The following SEH1L variants were observed in gnomAD, a reference collection of about 807,000 sequenced individuals.
The protein encoded by SEH1L is nucleoporin SEH1.
In SEH1L, 18 loss-of-function variants were observed where a neutral mutation model predicts 49.5. The observed-to-expected ratio is 0.36, with a 90% CI of 0.25 to 0.54. The LOEUF is 0.54. Among genes scored for constraint, SEH1L ranks in the 20% least tolerant of loss-of-function variants. The pLI, the probability that SEH1L is intolerant of heterozygous loss-of-function variation, is 0.87. For missense variants in SEH1L, 404 were observed against 528.8 expected (o/e 0.76, Z 2.31); for synonymous variants, 169 against 178.1 (o/e 0.95, Z 0.41).
At chr18:12,985,395 T>C (rs1598986205) in intron 8 of SEH1L, 1 of 1,385,140 alleles carries the variant, frequency 7.2e-7, no homozygotes, top group Non-Finnish European at 9.4e-7. Flanking sequence ...CTAAACGCAA[T>C]CCAAAAGGCC....
intron 6 of SEH1L, among the ~76,000 whole-genome samples, chr18:12,981,618 CAA>C (rs1286123385): frequency 6.6e-6 from 1 of 152,154 alleles, no homozygotes; most frequent in African/African-American, 2.4e-5. Flanking sequence ...GGAATTGAGT[CAA>C]GAGCAGATTT....
chr18:12,977,694 A>G (rs1354945656), intron 5 of SEH1L: 1 of 152,130 alleles, frequency 6.6e-6, no homozygotes, highest in Non-Finnish European at 1.5e-5. Flanking sequence ...ATTGCACTCC[A>G]GCACAAGAGT....
intron 3 of SEH1L, among the ~76,000 whole-genome samples, chr18:12,961,101 C>T (rs1237965825): frequency 4.6e-5 from 7 of 152,142 alleles, no homozygotes; most frequent in East Asian, 1.9e-4. Flanking sequence ...GTGGGCAGTC[C>T]GCATGTGCAG....
intron 4 of SEH1L, among the ~76,000 whole-genome samples, chr18:12,969,252 C>G (rs1207579268): frequency 1.6e-5 from 2 of 126,508 alleles, no homozygotes; most frequent in South Asian, 5.2e-4. Flanking sequence ...GAAAAAACAA[C>G]AAAGAATTTT....
At position 12,980,179 on chromosome 18, in the gene SEH1L, C is replaced by G. The variant is rs1237711865; in HGVS notation, c.761+1287C>G. On this transcript the variant is annotated intron_variant, in intron 6 of 8. Coordinates refer to ENST00000399892, the MANE Select transcript of SEH1L (RefSeq NM_001013437.2). Reference sequence around the variant, plus strand: ...GCGGCCGGGCAGAGGCACCCCTCACCTCCCGGATGGGGCGGCTGGCCGGGC... The same window carrying G: ...GCGGCCGGGCAGAGGCACCCCTCACGTCCCGGATGGGGCGGCTGGCCGGGC... 2.2e-5 allele frequency among the ~76,000 whole-genome samples: 3 copies of G among 135,942 alleles called. 1 individual carries two copies. Among genetic ancestry groups the G allele is most frequent in the Non-Finnish European group, 4.8e-5 (3 of 62,302 alleles). The allele number at this position is 135,942 out of a possible 152,430, so 89.2% of individuals were successfully genotyped here. A position where few individuals can be genotyped will look rare whatever the true frequency, so the allele number is the denominator to read the frequency against.
intron 6 of SEH1L, among the ~76,000 whole-genome samples, chr18:12,979,760 C>T: frequency 7.0e-6 from 1 of 142,406 alleles, no homozygotes; most frequent in South Asian, 2.3e-4. Context: ...ACCCCCCCAC[C>T]TCCCTCCCGG....
chr18:12,978,568 G>T (rs1302512765), intron 5 of SEH1L, 184 bp from the exon 6 acceptor site: 5 of 477,712 alleles, frequency 1.0e-5, no homozygotes, highest in Non-Finnish European at 1.8e-5. Context: ...TTTGAATAAG[G>T]TCACATTCAC....
At chr18:12,968,029 A>G (rs988838499) in intron 4 of SEH1L, among the ~76,000 whole-genome samples, 19 of 152,232 alleles carry the variant, frequency 1.2e-4, no homozygotes, top group African/African-American at 3.6e-4. Flanking sequence ...AGGATTGGCT[A>G]TATGTGTTTT....
chr18:12,956,470 AAAG>A (rs2030870438), intron 3 of SEH1L, among the ~76,000 whole-genome samples: 1 of 150,224 alleles, frequency 6.7e-6, no homozygotes, highest in Non-Finnish European at 1.5e-5. Context: ...AAAAAAAAGA[AAAG>A]AACAGATACT....
chr18:12,950,979 G>A (rs571751644), intron 1 of SEH1L, among the ~76,000 whole-genome samples: 3 of 152,232 alleles, frequency 2.0e-5, no homozygotes, highest in East Asian at 3.9e-4. Context: ...GCACCACCAT[G>A]CCTGGTTTCA....
intron 6 of SEH1L, among the ~76,000 whole-genome samples, chr18:12,980,827 C>T (rs1238851597): frequency 9.3e-6 from 1 of 107,014 alleles, no homozygotes; most frequent in Admixed American, 8.4e-5. Flanking sequence ...GGGGGCTGAC[C>T]CCCCCACTTC....
rs776379920 is a variant in SEH1L at position 12,978,878 on chromosome 18, A to C, written c.747A>C (p.Thr249=). The C allele has an allele frequency of 8.7e-6, 14 of 1,613,992 alleles. No homozygotes were observed. The Middle Eastern group carries it at 8.2e-4, about 95-fold the overall frequency. ...AIATKDVRIF[T]LKPVRKELTS... The stretch of plus-strand genomic sequence containing the variant: ...CGACCAAAGATGTGAGAATTTTTAC[A>C]TTAAAGCCTGTGAGGTGAGTTTTAG... The change falls in exon 6 of 9, where the codon ACA becomes ACC. Residue 249 remains threonine, a synonymous_variant. Coordinates refer to ENST00000399892, the MANE Select transcript of SEH1L (RefSeq NM_001013437.2).
At chr18:12,968,615 C>T (rs1388746076) in intron 4 of SEH1L, among the ~76,000 whole-genome samples, 2 of 152,100 alleles carry the variant, frequency 1.3e-5, no homozygotes, top group African/African-American at 4.8e-5. Flanking sequence ...TTTTCTTTCT[C>T]AGTCTGATCT....
At chr18:12,977,762 TCAAATACTTAGG>T (rs1346888427) in intron 5 of SEH1L, 1 of 152,238 alleles carries the variant, frequency 6.6e-6, no homozygotes, top group African/African-American at 2.4e-5. Context: ...TTATTTACAT[TCAAATACTTAGG>T]CAATGTGTTA....
At chr18:12,980,747 C>T (rs1454341197) in intron 6 of SEH1L, among the ~76,000 whole-genome samples, 1 of 12,156 alleles carries the variant, frequency 8.2e-5, no homozygotes, top group Admixed American at 5.9e-4. Flanking sequence ...CAGAGGGGCT[C>T]CTCACTTCCC....
Position 12,955,567 on chromosome 18 carries a change from A to G in SEH1L, c.267A>G (p.Ile89Met), listed in dbSNP as rs775811852. 2.5e-6 allele frequency: 4 copies of G among 1,614,024 alleles called. No individual in the cohort carries two copies. The highest frequency in any genetic ancestry group is 3.4e-6 in the Non-Finnish European group (4 of 1,179,994). ...GAACAGCTGCTGTATGGGAAGAAAT[A>G]GTAGGAGAATCAAATGATAAACTGC... is the stretch of plus-strand genomic sequence containing the variant. ...FDRTAAVWEEIVGESNDKLRG... is the reference protein window; with the variant it reads ...FDRTAAVWEEMVGESNDKLRG... Residue 89 changes from isoleucine to methionine, a missense_variant, in exon 3 of 9, where the codon ATA (isoleucine) becomes ATG (methionine). Ile to Met is a conservative substitution (Grantham distance 10). Transcript: ENST00000399892.
intron 1 of SEH1L, among the ~76,000 whole-genome samples, chr18:12,951,161 A>G (rs2145602122): frequency 6.6e-6 from 1 of 152,334 alleles, no homozygotes; most frequent in Non-Finnish European, 1.5e-5. Context: ...CTCAGGACAG[A>G]CGTTTCCCAT....
At chr18:12,971,041 G>C (rs1474120904) in intron 4 of SEH1L, 112 bp from the exon 5 acceptor site, 2 of 705,520 alleles carry the variant, frequency 2.8e-6, no homozygotes, top group Non-Finnish European at 5.1e-6. Context: ...TTCACTAGTA[G>C]TGTGACAGGC....
chr18:12,948,042 T>C lies in SEH1L; in HGVS notation c.-80T>C, dbSNP rs550737763. 1.7e-5 allele frequency: 18 copies of C among 1,048,276 alleles called. No homozygotes were observed. In the South Asian group the frequency reaches 2.5e-4, roughly 15 times the overall value. The allele number at this position is 1,048,276 out of a possible 1,614,324, so 64.9% of individuals were successfully genotyped here. Reference sequence around the variant, plus strand: ...AGCCGTGCGCTCCCGGGCTGCGAGGTCTGGCTAGGCTACGGGCCACGCGCC... The same window carrying C: ...AGCCGTGCGCTCCCGGGCTGCGAGGCCTGGCTAGGCTACGGGCCACGCGCC... On this transcript the variant is annotated 5_prime_UTR_variant, in exon 1 of 9. Coordinates refer to ENST00000399892, the MANE Select transcript of SEH1L (RefSeq NM_001013437.2).
Sources: allele counts gnomAD v4.1 joint callset (sites outside exome capture counted in the v4.1 genomes callset), GRCh38; gene constraint gnomAD v4.1.1; transcripts MANE v1.5; gene names NCBI Gene and HGNC (gene_info 2026-07-23, HGNC 2026-07-21).